JPH2: variants seen among roughly 807,000 people sequenced by gnomAD.
JPH2 encodes junctophilin-2.
JPH2 carries 38 observed loss-of-function variants against 55.9 expected under a neutral mutation model. The observed-to-expected ratio is 0.68, with a 90% CI of 0.52 to 0.89. The LOEUF is 0.89. Among genes scored for constraint, JPH2 ranks in the 40% least tolerant of loss-of-function variants. JPH2 has a pLI of 0.00. For synonymous variants in JPH2, 480 were observed against 472.4 expected, an observed-to-expected ratio of 1.02 and a Z score of -0.21; for missense variants, 964 against 1,037.6, an observed-to-expected ratio of 0.93 and a Z score of 0.97.
In JPH2 at chr20:44,186,583, G is replaced by A. The variant is rs1468042806; in HGVS notation, c.123C>T (p.Ser41=). Residue 41 remains serine (S), a synonymous_variant, in exon 1 of 6, where the codon TCC becomes TCT. Transcript: ENST00000372980. ...GPKGQGEYSG[S]WNFGFEVAGV... Reference sequence around the variant, plus strand: ...CTGCCACCTCAAAGCCAAAGTTCCAGGAGCCAGAGTATTCGCCCTGGCCCT... The same window carrying A: ...CTGCCACCTCAAAGCCAAAGTTCCAAGAGCCAGAGTATTCGCCCTGGCCCT... 2 of 1,613,712 alleles carry A rather than the reference G, an allele frequency of 1.2e-6. No homozygotes were observed. The highest frequency in any genetic ancestry group is 1.7e-6 in the Non-Finnish European group (2 of 1,179,774).
chr20:44,160,458 T>C lies in JPH2; in HGVS notation c.380-51A>G. ...GTAGGCGGCACGACGGGTCCCCGCG[T>C]GTGCACGGTGGCCTGGGAGGGCAAG... On this transcript the variant is annotated intron_variant, in intron 1 of 5. Transcript: ENST00000372980. The surrounding 1 kb of genome is among the most constrained non-coding windows in gnomAD (Gnocchi z 4.9). 1.3e-6 allele frequency: 2 copies of C among 1,579,924 alleles called. No individual in the cohort carries two copies. The highest frequency in any genetic ancestry group is 1.7e-6 in the Non-Finnish European group (2 of 1,162,820).
In JPH2 at chr20:44,118,540, A is replaced by G; in HGVS notation, c.1253T>C (p.Leu418Ser). ...GAAGTCCGGAGCCAGCTCCCTGGCCAAAGTGCGAGCAATGTTGGACTCCTG... is the reference window on the plus strand; with the variant it reads ...GAAGTCCGGAGCCAGCTCCCTGGCCGAAGTGCGAGCAATGTTGGACTCCTG... ...ANQESNIART[L>S]ARELAPDFYQ... Residue 418 changes from leucine (L) to serine (S), a missense_variant, in exon 3 of 6, where the codon TTG becomes TCG. Transcript: ENST00000372980. 1 of 1,613,414 alleles carries G rather than the reference A, an allele frequency of 6.2e-7. No homozygotes were observed. Among genetic ancestry groups the G allele is most frequent in the Non-Finnish European group, 8.5e-7 (1 of 1,180,026 alleles).
At position 44,138,555 on chromosome 20, in the gene JPH2, T is replaced by A. The variant is rs138692293; in HGVS notation, c.1170-19932A>T. 8.8e-3 allele frequency among the ~76,000 whole-genome samples: 1,333 copies of A among 151,664 alleles called. 8 individuals are homozygous for A. The highest frequency in any genetic ancestry group is 0.014 in the Non-Finnish European group (975 of 67,894). ...CACTGCCACACCCAGCTAATTTTTT[T>A]ATTTTTTTGTAGAGATGGGTTCTCA... On this transcript the variant is annotated intron_variant, in intron 2 of 5. Coordinates refer to ENST00000372980, the MANE Select transcript of JPH2 (RefSeq NM_020433.5).
chr20:44,186,380 G>A lies in JPH2; in HGVS notation c.326C>T (p.Thr109Ile). The A allele has an allele frequency of 6.2e-7, 1 of 1,613,312 alleles. No individual in the cohort carries two copies. Among genetic ancestry groups the A allele is most frequent in the South Asian group, 1.1e-5 (1 of 91,064 alleles). Residue 109 changes from threonine to isoleucine, a missense_variant, in exon 1 of 6, where the codon ACC becomes ATC. By Grantham distance (89) the Thr-to-Ile change is moderately conservative (BLOSUM62 -1). Transcript: ENST00000372980. ...GCCGTCTTGCAGGCCATTGTTCCAG[G>A]TGCCCTCATACTTGGCACCGCTGCT... The part of the protein sequence containing the change: ...SSSSGAKYEG[T>I]WNNGLQDGYG...
chr20:44,134,556 T>A (rs184933182), intron 2 of JPH2, among the ~76,000 whole-genome samples: 2 of 21,242 alleles, frequency 9.4e-5, no homozygotes, highest in Admixed American at 1.3e-3. Flanking sequence ...ATTTATAATA[T>A]ATATAAATAA....
intron 2 of JPH2, among the ~76,000 whole-genome samples, chr20:44,134,914 A>AAT: frequency 1.9e-5 from 1 of 52,718 alleles, no homozygotes; most frequent in Admixed American, 3.7e-4. Context: ...ATATATATAA[A>AAT]ATATATATAT....
chr20:44,170,036 T>A (rs1014766041), intron 1 of JPH2, among the ~76,000 whole-genome samples: 9 of 152,176 alleles, frequency 5.9e-5, no homozygotes, highest in African/African-American at 2.2e-4. Flanking sequence ...CTACACAGTT[T>A]CAGGTATTCT....
At chr20:44,137,397 C>T (rs544031965) in intron 2 of JPH2, among the ~76,000 whole-genome samples, 23 of 152,176 alleles carry the variant, frequency 1.5e-4, no homozygotes, top group Non-Finnish European at 2.8e-4. Flanking sequence ...CAGCGGCCTC[C>T]CCCGCCTCCC....
chr20:44,146,362 T>C (rs1286563119), intron 2 of JPH2, among the ~76,000 whole-genome samples: 1 of 152,056 alleles, frequency 6.6e-6, no homozygotes, highest in Non-Finnish European at 1.5e-5. Context: ...TAACATCTCC[T>C]TGCTGCCTGG....
At chr20:44,123,771 G>A (rs1247175378) in intron 2 of JPH2, among the ~76,000 whole-genome samples, 1 of 152,214 alleles carries the variant, frequency 6.6e-6, no homozygotes, top group African/African-American at 2.4e-5. Flanking sequence ...ACGAGCCTAG[G>A]AATCTGTGTT....
intron 2 of JPH2, among the ~76,000 whole-genome samples, chr20:44,137,684 G>A (rs570583379): frequency 2.6e-5 from 4 of 152,300 alleles, no homozygotes; most frequent in Non-Finnish European, 4.4e-5. Flanking sequence ...GATCGGATTC[G>A]GCCCCAGGCA....
chr20:44,172,403 A>G (rs761456834), intron 1 of JPH2, among the ~76,000 whole-genome samples: 3 of 152,212 alleles, frequency 2.0e-5, no homozygotes, highest in East Asian at 1.9e-4. Context: ...TACCCCCACC[A>G]TGACTGCAAA....
At position 44,186,811 on chromosome 20, in the gene JPH2, T is replaced by A; in HGVS notation, c.-106A>T. On this transcript the variant is annotated 5_prime_UTR_variant, in exon 1 of 6. It removes the in-frame stop codon of an upstream open reading frame in the 5' UTR. Coordinates refer to ENST00000372980, the MANE Select transcript of JPH2 (RefSeq NM_020433.5). ...TGCCCTCGGGGGCAGGCCCCCAGAC[T>A]CACCACTGCACCCCAGGAGGGGGGA... 8.8e-7 allele frequency: 1 copy of A among 1,137,688 alleles called. No homozygotes were observed. 70.5% of individuals were successfully genotyped at this position (1,137,688 alleles called of 1,614,324 possible).
chr20:44,120,976 G>T (rs930763488), intron 2 of JPH2, among the ~76,000 whole-genome samples: 4 of 152,178 alleles, frequency 2.6e-5, no homozygotes, highest in Non-Finnish European at 5.9e-5. Flanking sequence ...GAGGGAGCTG[G>T]CTAGTAAACA....
rs2072559402 is a variant in JPH2, at chr20:44,155,505, C to T, written c.1169+4113G>A. Reference sequence around the variant, plus strand: ...TTTTAAATAATATAGGTAGATATTCCCCCCTCCAAAAGGTGTGCCTGAATT... The same window carrying T: ...TTTTAAATAATATAGGTAGATATTCTCCCCTCCAAAAGGTGTGCCTGAATT... On this transcript the variant is annotated intron_variant, in intron 2 of 5. Coordinates refer to ENST00000372980, the MANE Select transcript of JPH2 (RefSeq NM_020433.5). 1.3e-5 allele frequency among the ~76,000 whole-genome samples: 2 copies of T among 152,062 alleles called. 1 individual carries two copies. Among genetic ancestry groups the T allele is most frequent in the South Asian group, 4.1e-4 (2 of 4,824 alleles).
At chr20:44,185,116 T>C (rs749195113) in intron 1 of JPH2, among the ~76,000 whole-genome samples, 20 of 151,806 alleles carry the variant, frequency 1.3e-4, no homozygotes, top group Non-Finnish European at 2.6e-4. Flanking sequence ...CTGGGCCACA[T>C]AGTAAGACCC....
intron 2 of JPH2, among the ~76,000 whole-genome samples, chr20:44,120,671 C>T (rs527332994): frequency 7.9e-5 from 12 of 152,090 alleles, no homozygotes; most frequent in African/African-American, 2.7e-4. Flanking sequence ...CTTCCATGGG[C>T]CAGAAGAAGA....
At position 44,126,134 on chromosome 20, in the gene JPH2, A is replaced by AAGAG. The variant is rs141811286; in HGVS notation, c.1170-7515_1170-7512dup. Among the ~76,000 whole-genome samples the AAGAG allele has an allele frequency of 9.0e-3, 454 of 50,196 alleles. 12 individuals carry two copies. Among genetic ancestry groups the AAGAG allele is most frequent in the African/African-American group, 0.018 (220 of 12,186 alleles). 32.9% of individuals were successfully genotyped at this position (50,196 alleles called of 152,430 possible). ...AAGCAAGACCCTATATCAGAAGAAA[A>AAGAG]AGAGAGAGGGAGGGAGGGAGGGAGG... is the stretch of plus-strand genomic sequence containing the variant. On this transcript the variant is annotated intron_variant, in intron 2 of 5. Coordinates refer to ENST00000372980, the MANE Select transcript of JPH2 (RefSeq NM_020433.5).
At position 44,141,662 on chromosome 20, in the gene JPH2, ATATTTTTATTTTTT is replaced by A. The variant is rs200798344; in HGVS notation, c.1169+17942_1169+17955del. On this transcript the variant is annotated intron_variant, in intron 2 of 5. Coordinates refer to ENST00000372980, the MANE Select transcript of JPH2 (RefSeq NM_020433.5). ...AGGTGCATGCTACCACGCCTAGCTA[ATATTTTTATTTTTT>A]TATTTTTATTTTTGTAGAGACAGGG... Among the ~76,000 whole-genome samples the A allele has an allele frequency of 9.7e-3, 1,477 of 151,928 alleles. 20 individuals carry two copies. Among genetic ancestry groups the A allele is most frequent in the African/African-American group, 0.034 (1,404 of 41,422 alleles).
Sources: gnomAD v4.1 joint callset for allele counts (sites outside exome capture counted in the v4.1 genomes callset) on GRCh38, gnomAD v4.1.1 for gene constraint, Gnocchi (gnomAD v3.1) non-coding constraint, MANE v1.5 for transcripts, NCBI Gene and HGNC (gene_info 2026-07-23, HGNC 2026-07-21) for gene names.